The following LYPD5 variants were observed in gnomAD, a reference collection of about 807,000 sequenced individuals.
LYPD5 encodes LY6/PLAUR domain containing 5, also known as ly6/PLAUR domain-containing protein 5.
In LYPD5, 21 loss-of-function variants were observed where a neutral mutation model predicts 19.1. The observed-to-expected ratio is 1.10, with a 90% CI of 0.78 to 1.58. LYPD5 has a LOEUF of 1.58. Among genes scored for constraint, LYPD5 ranks in the 40% most tolerant of loss-of-function variants. LYPD5 has a pLI of 0.00. For missense variants in LYPD5, 287 were observed against 329.8 expected (o/e 0.87, Z 1.00); for synonymous variants, 128 against 142.7 (o/e 0.90, Z 0.74).
At chr19:43,816,844 T>C (rs145162565) in intron 1 of LYPD5, among the ~76,000 whole-genome samples, 1 of 144,264 alleles carries the variant, frequency 6.9e-6, no homozygotes, top group Non-Finnish European at 1.5e-5. Context: ...GAATAAGTAT[T>C]ATCAGAGCTG....
chr19:43,819,283 C>CTTTTTTTTTTTTTT (rs560659624), intron 1 of LYPD5, among the ~76,000 whole-genome samples: 10 of 110,518 alleles, frequency 9.0e-5, no homozygotes, highest in African/African-American at 1.0e-4. Context: ...TCTTCTTCTT[C>CTTTTTTTTTTTTTT]TTTTTTTTTT....
chr19:43,807,085 C>T (rs1399768668), upstream of LYPD5, among the ~76,000 whole-genome samples: 3 of 152,164 alleles, frequency 2.0e-5, no homozygotes, highest in East Asian at 3.8e-4. Context: ...TTTATTCATT[C>T]ATCCTTCCAT....
intron 4 of LYPD5, among the ~76,000 whole-genome samples, chr19:43,798,242 T>A (rs73556871): frequency 0.024 from 1,153 of 47,684 alleles, 2 homozygotes; most frequent in East Asian, 0.047. Flanking sequence ...TCATGCCTCC[T>A]CCCTCAGACC....
chr19:43,816,011 G>T (rs1325980928), intron 1 of LYPD5, among the ~76,000 whole-genome samples: 2 of 151,498 alleles, frequency 1.3e-5, no homozygotes, highest in Non-Finnish European at 1.5e-5. Flanking sequence ...TGGGATTCCA[G>T]GTGTGAGCCA....
At position 43,797,249 on chromosome 19, in the gene LYPD5, C is replaced by G. The variant is rs999230178; in HGVS notation, c.*342G>C. On this transcript the variant is annotated 3_prime_UTR_variant, in exon 5 of 5. Transcript: ENST00000377950. ...TAAAGACATCATTGTATAGCTCCCTCCTAGAGCTGCGACAGGCTCTGGAGG... is the reference window on the plus strand; with the variant it reads ...TAAAGACATCATTGTATAGCTCCCTGCTAGAGCTGCGACAGGCTCTGGAGG... 2 of 279,570 alleles carry G rather than the reference C, an allele frequency of 7.2e-6. No individual in the cohort carries two copies. Among genetic ancestry groups the G allele is most frequent in the Admixed American group, 4.9e-5 (1 of 20,464 alleles). 17.3% of individuals were successfully genotyped at this position (279,570 alleles called of 1,614,324 possible).
At chr19:43,797,884 C>A in intron 4 of LYPD5, 55 bp from the exon 5 acceptor site, 2 of 1,365,890 alleles carry the variant, frequency 1.5e-6, no homozygotes, top group Non-Finnish European at 2.1e-6. Flanking sequence ...ACAGCTGCAC[C>A]TGAACCTTCA....
intron 1 of LYPD5, among the ~76,000 whole-genome samples, chr19:43,819,582 G>A (rs1173836219): frequency 6.6e-6 from 1 of 151,934 alleles, no homozygotes; most frequent in Non-Finnish European, 1.5e-5. Flanking sequence ...TCTAACTCAT[G>A]ACCCACTAAT....
intron 1 of LYPD5, 37 bp from the exon 2 acceptor site, chr19:43,799,871 T>G (rs929362353): frequency 1.3e-6 from 2 of 1,575,650 alleles, no homozygotes; most frequent in South Asian, 2.3e-5. Context: ...GCAGGGCCAG[T>G]GTGAGCCTGT....
upstream of LYPD5, among the ~76,000 whole-genome samples, chr19:43,803,174 C>G (rs1427624445): frequency 6.6e-6 from 1 of 152,154 alleles, no homozygotes; most frequent in African/African-American, 2.4e-5. Context: ...ACAGACAAAC[C>G]TAGAGGTGAA....
At chr19:43,815,569 T>C (rs1970364989) in intron 1 of LYPD5, among the ~76,000 whole-genome samples, 1 of 151,610 alleles carries the variant, frequency 6.6e-6, no homozygotes, top group South Asian at 2.1e-4. Context: ...AGCAAGACTC[T>C]GTCTAAAACA....
intron 1 of LYPD5, among the ~76,000 whole-genome samples, chr19:43,810,405 T>C (rs1970310368): frequency 6.6e-6 from 1 of 150,890 alleles, no homozygotes; most frequent in Non-Finnish European, 1.5e-5. Context: ...GGCATCATCA[T>C]GGGTCACTGC....
chr19:43,798,850 T>TTGGGGA lies in LYPD5; in HGVS notation c.331_332insTCCCCA (p.His111delinsLeuProAsn). On this transcript the variant is annotated protein_altering_variant, in exon 3 of 5. Transcript: ENST00000377950. ...GGGGAGGGCGTCATGAGTCATGAGG[T>TTGGGGA]GGGCGTTGCATTTGTCAGTTGTGCA... 1 of 1,611,026 alleles carries TTGGGGA rather than the reference T, an allele frequency of 6.2e-7. No individual in the cohort carries two copies. Among genetic ancestry groups the TTGGGGA allele is most frequent in the Non-Finnish European group, 8.5e-7 (1 of 1,178,778 alleles).
rs200551100 is a variant in LYPD5 at position 43,798,987 on chromosome 19, C to G, written c.195G>C (p.Gly65=). The G allele has an allele frequency of 6.9e-5, 108 of 1,566,088 alleles. No homozygotes were observed. The African/African-American group carries it at 1.2e-3, about 18-fold the overall frequency. Residue 65 remains glycine, a splice_region_variant and synonymous_variant, in exon 3 of 5, where the codon GGG becomes GGC. Transcript: ENST00000377950. The part of the protein sequence containing the change: ...CFEAILSLDT[G]YRAPVTLVRK... The stretch of plus-strand genomic sequence containing the variant: ...GCACCAGGGTCACCGGCGCGCGATA[C>G]CCTGGGGGCGGGATCGGGGCTCGTG...
Position 43,798,991 on chromosome 19 carries a change from G to T in LYPD5, c.194-3C>A. ...CAGGGTCACCGGCGCGCGATACCCT[G>T]GGGGCGGGATCGGGGCTCGTGCTCT... is the stretch of plus-strand genomic sequence containing the variant. On this transcript the variant is annotated splice_polypyrimidine_tract_variant and splice_region_variant and intron_variant, in intron 2 of 4. Coordinates refer to ENST00000377950, the MANE Select transcript of LYPD5 (RefSeq NM_001031749.3). 6.4e-7 allele frequency: 1 copy of T among 1,563,824 alleles called. No homozygotes were observed.
chr19:43,816,198 T>C (rs1970375290), intron 1 of LYPD5, among the ~76,000 whole-genome samples: 1 of 152,206 alleles, frequency 6.6e-6, no homozygotes, highest in South Asian at 2.1e-4. Flanking sequence ...GGAGATACTA[T>C]GGCATGTCCC....
At chr19:43,802,610 G>A (rs1970238229), upstream of LYPD5, 7 of 566,894 alleles carry the variant, frequency 1.2e-5, no homozygotes, top group Admixed American at 3.1e-5. Context: ...CTAGAAGTCT[G>A]GAACCCTTAA....
At chr19:43,802,736 A>G (rs1568404374), upstream of LYPD5, among the ~76,000 whole-genome samples, 1 of 151,820 alleles carries the variant, frequency 6.6e-6, no homozygotes, top group Non-Finnish European at 1.5e-5. Context: ...CTACCCCAAC[A>G]CACACCACCC....
intron 1 of LYPD5, chr19:43,815,817 A>G: frequency 2.8e-6 from 1 of 355,774 alleles, no homozygotes; most frequent in Non-Finnish European, 5.4e-6. Flanking sequence ...AGCTCACTGC[A>G]ACCTCTGCTT....
In LYPD5 at chr19:43,797,609, C is replaced by T. The variant is rs558157941; in HGVS notation, c.738G>A (p.Leu246=). The stretch of plus-strand genomic sequence containing the variant: ...GGGCGGTCTATGCTGAGAGCCCCAC[C>T]AGCAGGAGGACTGGGAGGAGCAGGG... ...VLALLLPVLL[L]VGLSA is the part of the protein sequence containing the mutation. The change falls in exon 5 of 5, where the codon CTG becomes CTA. Residue 246 remains leucine, a synonymous_variant. Transcript: ENST00000377950. 1.9e-6 allele frequency: 3 copies of T among 1,606,336 alleles called. No homozygotes were observed. The African/African-American group carries it at 4.0e-5, about 21-fold the overall frequency.
Sources: gnomAD v4.1 joint callset for allele counts (sites outside exome capture counted in the v4.1 genomes callset) on GRCh38, gnomAD v4.1.1 for gene constraint, MANE v1.5 for transcripts, NCBI Gene and HGNC (gene_info 2026-07-23, HGNC 2026-07-21) for gene names.